LPIN1: variants seen among roughly 807,000 people sequenced by gnomAD.
LPIN1 encodes lipin 1.
Under a neutral mutation model 107.5 loss-of-function variants are expected in LPIN1, and 71 were observed. That is an observed-to-expected ratio of 0.66 (90% CI 0.55 to 0.80). The LOEUF (loss-of-function observed/expected upper bound fraction) is 0.80. LPIN1 is among the 30% of genes least tolerant of loss of function. LPIN1 has a pLI of 0.00. For missense variants in LPIN1, 1,043 were observed against 1,160.6 expected, an observed-to-expected ratio of 0.90 and a Z score of 1.47; for synonymous variants, 445 against 452.6, an observed-to-expected ratio of 0.98 and a Z score of 0.21.
intron 17 of LPIN1, among the ~76,000 whole-genome samples, chr2:11,805,951 T>C (rs1678602646): frequency 6.6e-6 from 1 of 152,174 alleles, no homozygotes; most frequent in Non-Finnish European, 1.5e-5. Flanking sequence ...CGCTCAGTCA[T>C]GCCTCCTCCA....
intron 18 of LPIN1, 38 bp from the exon 19 acceptor site, chr2:11,819,446 A>T: frequency 7.8e-7 from 1 of 1,276,788 alleles, no homozygotes; most frequent in Non-Finnish European, 1.1e-6. Context: ...AAGGAAGCTT[A>T]GCCTCTCATG....
chr2:11,792,089 A>G (rs745499271), intron 13 of LPIN1, 83 bp downstream of exon 13: 65 of 1,144,614 alleles, frequency 5.7e-5, no homozygotes, highest in Middle Eastern at 4.2e-4. Flanking sequence ...TACTTACATC[A>G]GAGAAATGAA....
intron 1 of LPIN1, among the ~76,000 whole-genome samples, chr2:11,736,993 C>T (rs1665851451): frequency 6.6e-6 from 1 of 152,220 alleles, no homozygotes; most frequent in Non-Finnish European, 1.5e-5. Context: ...ATGTGCTGAT[C>T]TGAAGTGTAT....
intron 1 of LPIN1, among the ~76,000 whole-genome samples, chr2:11,683,728 C>T (rs928014174): frequency 2.0e-4 from 30 of 152,186 alleles, no homozygotes; most frequent in African/African-American, 6.8e-4. Context: ...CCTGCACTGC[C>T]GCTCTGTTCC....
rs763271063 is a variant in LPIN1 at position 11,782,266 on chromosome 2, T to G, written c.1023T>G (p.Ser341Arg). ...PLSSRKICDK[S>R]HFQAIHSESS... ...GCAGTAGAAAAATTTGTGATAAAAG[T>G]CACTTTCAGGCCATTCACAGCGAAT... Residue 341 changes from serine (S) to arginine (R), a missense_variant, in exon 8 of 21, where the codon AGT becomes AGG. Physicochemically the swap from Ser to Arg is moderately radical, Grantham distance 110 (BLOSUM62 -1). Transcript: ENST00000674199. 8 of 1,614,024 alleles carry G rather than the reference T, an allele frequency of 5.0e-6. No homozygotes were observed. The African/African-American group carries it at 9.3e-5, about 19-fold the overall frequency.
At chr2:11,788,272 C>A in intron 11 of LPIN1, 115 bp from the exon 12 acceptor site, 1 of 754,606 alleles carries the variant, frequency 1.3e-6, no homozygotes, top group Non-Finnish European at 2.4e-6. Context: ...GAGTATTGAG[C>A]TCTTTAAGGG....
intron 1 of LPIN1, among the ~76,000 whole-genome samples, chr2:11,692,353 C>T (rs372795845): frequency 5.1e-4 from 78 of 152,214 alleles, no homozygotes; most frequent in African/African-American, 1.7e-3. Flanking sequence ...CAGTAAGTCA[C>T]TCTGCACTTG....
chr2:11,785,490 G>C (rs1674399823), intron 10 of LPIN1, among the ~76,000 whole-genome samples: 1 of 152,162 alleles, frequency 6.6e-6, no homozygotes, highest in African/African-American at 2.4e-5. Flanking sequence ...GGCGTTAATC[G>C]GGTGGGCTTA....
intron 1 of LPIN1, among the ~76,000 whole-genome samples, chr2:11,746,897 G>C (rs1667032627): frequency 6.6e-6 from 1 of 152,188 alleles, no homozygotes; most frequent in Non-Finnish European, 1.5e-5. Flanking sequence ...AGGGCCTCGC[G>C]AGCATCCCTC....
At chr2:11,704,008 G>A (rs1663009532) in intron 1 of LPIN1, among the ~76,000 whole-genome samples, 1 of 152,200 alleles carries the variant, frequency 6.6e-6, no homozygotes, top group Admixed American at 6.5e-5. Context: ...GTGGCTGGAA[G>A]GCTCACCTGG....
intron 1 of LPIN1, among the ~76,000 whole-genome samples, chr2:11,703,517 G>C (rs1662985107): frequency 6.6e-6 from 1 of 152,208 alleles, no homozygotes; most frequent in South Asian, 2.1e-4. Context: ...AATAGGCAAG[G>C]AGGTGATAAA....
Position 11,812,263 on chromosome 2 carries a change from C to T in LPIN1, c.2250-2825C>T, listed in dbSNP as rs76232240. 9.9e-3 allele frequency among the ~76,000 whole-genome samples: 1,504 copies of T among 152,244 alleles called. 12 individuals are homozygous for T. Among genetic ancestry groups the T allele is most frequent in the Middle Eastern group, 0.061 (18 of 294 alleles). On this transcript the variant is annotated intron_variant, in intron 17 of 20. Coordinates refer to ENST00000674199, the MANE Select transcript of LPIN1 (RefSeq NM_001349206.2). ...TACATGCCAAGCACTGTTTTTGGCA[C>T]GGGGGTTGTAGCAAAGAATGGGACA...
At chr2:11,809,681 G>A (rs1219478571) in intron 17 of LPIN1, among the ~76,000 whole-genome samples, 1 of 152,240 alleles carries the variant, frequency 6.6e-6, no homozygotes, top group African/African-American at 2.4e-5. Context: ...CTCCCAAAGT[G>A]TGGGGATTAC....
intron 9 of LPIN1, 113 bp from the exon 10 acceptor site, chr2:11,784,773 C>A: frequency 1.1e-6 from 1 of 930,496 alleles, no homozygotes; most frequent in Non-Finnish European, 1.8e-6. Flanking sequence ...TGCTGAGATG[C>A]AGCCGTCTGC....
chr2:11,725,073 A>C (rs1041451157), intron 1 of LPIN1, among the ~76,000 whole-genome samples: 1 of 152,130 alleles, frequency 6.6e-6, no homozygotes, highest in Non-Finnish European at 1.5e-5. Context: ...CATCCCGGCT[A>C]AAACAGTGAA....
Position 11,788,669 on chromosome 2 carries a change from A to G in LPIN1, c.1713+213A>G, listed in dbSNP as rs369408954. Among the ~76,000 whole-genome samples the G allele has an allele frequency of 7.9e-5, 12 of 152,252 alleles. No individual in the cohort carries two copies. The East Asian group carries it at 1.5e-3, about 20-fold the overall frequency. On this transcript the variant is annotated intron_variant, in intron 12 of 20. Coordinates refer to ENST00000674199, the MANE Select transcript of LPIN1 (RefSeq NM_001349206.2). ...TTCCTTATCAAGGCAAAACCTCCCA[A>G]TCATGGTCGAGCGGACCGAAGATTC...
Position 11,802,972 on chromosome 2 carries a change from A to G in LPIN1, c.1952A>G (p.His651Arg), listed in dbSNP as rs1370010598. 1.2e-6 allele frequency: 2 copies of G among 1,613,178 alleles called. No individual in the cohort carries two copies. The highest frequency in any genetic ancestry group is 2.7e-5 in the African/African-American group (2 of 74,894). Reference protein sequence around the residue: ...RAAAKPSNAGHLPLLPNVSYK... With the variant: ...RAAAKPSNAGRLPLLPNVSYK... ...GCTGCCAAGCCATCAAACGCAGGCC[A>G]CCTCCCTCTTCTGCCTAATGTCAGC... The change falls in exon 15 of 21, where the codon CAC becomes CGC. Residue 651 changes from histidine (H) to arginine (R), a missense_variant. Physicochemically the swap from His to Arg is conservative, Grantham distance 29 (BLOSUM62 0). Coordinates refer to ENST00000674199, the MANE Select transcript of LPIN1 (RefSeq NM_001349206.2).
intron 17 of LPIN1, among the ~76,000 whole-genome samples, chr2:11,811,103 T>C (rs963828001): frequency 6.6e-6 from 1 of 152,202 alleles, no homozygotes; most frequent in African/African-American, 2.4e-5. Context: ...ATTGTTGGTT[T>C]TCCCCAAGCA....
At chr2:11,801,944 TA>T (rs570842723) in intron 14 of LPIN1, among the ~76,000 whole-genome samples, 80 of 148,520 alleles carry the variant, frequency 5.4e-4, no homozygotes, top group Non-Finnish European at 9.6e-4. Context: ...CGAAAGACAG[TA>T]AAAAAAAAAT....
Sources: allele counts gnomAD v4.1 joint callset (sites outside exome capture counted in the v4.1 genomes callset), GRCh38; gene constraint gnomAD v4.1.1; transcripts MANE v1.5; gene names NCBI Gene and HGNC (gene_info 2026-07-23, HGNC 2026-07-21).